The following BMPR1B variants were observed in gnomAD, a reference collection of about 807,000 sequenced individuals.
The protein encoded by BMPR1B is bone morphogenetic protein receptor type-1B.
BMPR1B carries 12 observed loss-of-function variants against 59.1 expected under a neutral mutation model. That is an observed-to-expected ratio of 0.20 (90% CI 0.13 to 0.33). BMPR1B has a LOEUF of 0.33. Ranked by LOEUF, BMPR1B falls within the 10% of genes least tolerant of loss-of-function variation. BMPR1B has a pLI of 1.00. For missense variants in BMPR1B, 550 were observed against 610.9 expected, an observed-to-expected ratio of 0.90 and a Z score of 1.05; for synonymous variants, 237 against 207.3, an observed-to-expected ratio of 1.14 and a Z score of -1.23.
chr4:94,922,329 G>A (rs1728721566), intron 2 of BMPR1B, among the ~76,000 whole-genome samples: 1 of 151,248 alleles, frequency 6.6e-6, no homozygotes, highest in Non-Finnish European at 1.5e-5. Context: ...TGGGACGTGT[G>A]CGTGTGTGTA....
chr4:94,832,609 A>G (rs113507609), intron 1 of BMPR1B, among the ~76,000 whole-genome samples: 18,228 of 151,684 alleles, frequency 0.12, 1,158 homozygotes, highest in Non-Finnish European at 0.13. Flanking sequence ...ATGGTAAAAC[A>G]CCGTCTCTAC....
At chr4:94,814,128 G>C (rs1418369870) in intron 1 of BMPR1B, among the ~76,000 whole-genome samples, 2 of 152,170 alleles carry the variant, frequency 1.3e-5, no homozygotes, top group African/African-American at 4.8e-5. Context: ...AATCCGATCT[G>C]TTCAGGATTA....
chr4:94,828,690 T>A (rs571216816), intron 1 of BMPR1B, among the ~76,000 whole-genome samples: 1 of 152,262 alleles, frequency 6.6e-6, no homozygotes, highest in Admixed American at 6.5e-5. Context: ...ACCCTTGGAC[T>A]CTCATCCTCA....
chr4:94,945,038 A>G (rs1301221315), intron 2 of BMPR1B, among the ~76,000 whole-genome samples: 1 of 152,230 alleles, frequency 6.6e-6, no homozygotes, highest in Admixed American at 6.5e-5. Context: ...AACTGTTAAC[A>G]GATCTAGTAA....
At chr4:95,030,000 T>C (rs571109938) in intron 3 of BMPR1B, among the ~76,000 whole-genome samples, 10,231 of 151,954 alleles carry the variant, frequency 0.067, 460 homozygotes, top group Middle Eastern at 0.22. Context: ...GAGTTCATTG[T>C]AGATTCTGGA....
At chr4:94,894,732 T>C (rs2148993763) in intron 2 of BMPR1B, among the ~76,000 whole-genome samples, 1 of 152,108 alleles carries the variant, frequency 6.6e-6, no homozygotes, top group South Asian at 2.1e-4. Context: ...TTTGTTAGTT[T>C]GGAATTATTT....
At chr4:95,004,915 A>G (rs1202354529) in intron 3 of BMPR1B, among the ~76,000 whole-genome samples, 1 of 152,250 alleles carries the variant, frequency 6.6e-6, no homozygotes, top group Non-Finnish European at 1.5e-5. Context: ...CCAAGATACA[A>G]TGCATATAGT....
chr4:95,094,820 A>C (rs1272311198), intron 3 of BMPR1B, among the ~76,000 whole-genome samples: 1 of 152,148 alleles, frequency 6.6e-6, no homozygotes, highest in East Asian at 1.9e-4. Flanking sequence ...CCAGAAATTT[A>C]GCACCAACAT....
At chr4:95,118,016 G>T (rs1732198370) in intron 6 of BMPR1B, among the ~76,000 whole-genome samples, 1 of 152,154 alleles carries the variant, frequency 6.6e-6, no homozygotes. Context: ...AGGAGTGGCT[G>T]GTGGACTCTA....
intron 3 of BMPR1B, among the ~76,000 whole-genome samples, chr4:95,031,863 G>C (rs527736357): frequency 4.1e-4 from 63 of 152,182 alleles, no homozygotes; most frequent in African/African-American, 1.5e-3. Flanking sequence ...GGAGTTCAAG[G>C]CTCCAGTGAG....
At chr4:94,811,810 C>A (rs1723825289) in intron 1 of BMPR1B, among the ~76,000 whole-genome samples, 1 of 152,086 alleles carries the variant, frequency 6.6e-6, no homozygotes, top group African/African-American at 2.4e-5. Context: ...ATTTATTGCT[C>A]CCTGTGAGTG....
intron 1 of BMPR1B, among the ~76,000 whole-genome samples, chr4:94,795,798 C>T (rs962185698): frequency 6.6e-6 from 1 of 151,982 alleles, no homozygotes; most frequent in African/African-American, 2.4e-5. Flanking sequence ...TACAATACCA[C>T]TCCTGAGTAC....
At chr4:94,941,653 T>C (rs1007348048) in intron 2 of BMPR1B, among the ~76,000 whole-genome samples, 4 of 152,180 alleles carry the variant, frequency 2.6e-5, no homozygotes, top group African/African-American at 9.7e-5. Context: ...CAGGACTTTT[T>C]CACGTATCTG....
At chr4:94,845,790 T>C (rs1041458115) in intron 1 of BMPR1B, among the ~76,000 whole-genome samples, 15 of 152,196 alleles carry the variant, frequency 9.9e-5, no homozygotes, top group African/African-American at 3.6e-4. Context: ...AAATTCTAAG[T>C]ATAAGCAAAA....
intron 1 of BMPR1B, among the ~76,000 whole-genome samples, chr4:94,850,289 T>G (rs1725517698): frequency 6.6e-6 from 1 of 150,782 alleles, no homozygotes; most frequent in South Asian, 2.1e-4. Context: ...AAAAAAAAAA[T>G]GTATAGCATT....
chr4:94,926,372 T>A (rs1354677993), intron 2 of BMPR1B, among the ~76,000 whole-genome samples: 2 of 152,078 alleles, frequency 1.3e-5, no homozygotes, highest in South Asian at 2.1e-4. Flanking sequence ...ATGGCTCTAA[T>A]ATGCTTGATA....
At chr4:94,804,985 C>T (rs1037881522) in intron 1 of BMPR1B, among the ~76,000 whole-genome samples, 1 of 152,076 alleles carries the variant, frequency 6.6e-6, no homozygotes, top group African/African-American at 2.4e-5. Flanking sequence ...CAGAAATAGC[C>T]AGGATGTACA....
intron 2 of BMPR1B, among the ~76,000 whole-genome samples, chr4:94,957,247 C>A (rs1053819709): frequency 6.8e-6 from 1 of 146,384 alleles, no homozygotes; most frequent in Non-Finnish European, 1.5e-5. Context: ...CCTTCCATGG[C>A]GGTATATGAG....
intron 2 of BMPR1B, among the ~76,000 whole-genome samples, chr4:94,965,948 G>A (rs923428501): frequency 6.6e-6 from 1 of 152,148 alleles, no homozygotes; most frequent in African/African-American, 2.4e-5. Flanking sequence ...AAGTTCATTT[G>A]CACATAGGGA....
Sources: allele counts gnomAD v4.1 joint callset (sites outside exome capture counted in the v4.1 genomes callset), GRCh38; gene constraint gnomAD v4.1.1; transcripts MANE v1.5; gene names NCBI Gene and HGNC (gene_info 2026-07-23, HGNC 2026-07-21).